DCDC1: variants seen among roughly 807,000 people sequenced by gnomAD.
DCDC1 encodes the protein doublecortin domain containing 1, also known as doublecortin domain-containing protein 1.
In DCDC1, 200 loss-of-function variants were observed where a neutral mutation model predicts 178.3. That is an observed-to-expected ratio of 1.12 (90% CI 1.00 to 1.26). DCDC1 has a LOEUF of 1.26. Among genes scored for constraint, DCDC1 ranks in the 50% most tolerant of loss-of-function variants. DCDC1 has a pLI of 0.00. For synonymous variants in DCDC1, 690 were observed against 604.8 expected (o/e 1.14, Z -2.07); for missense variants, 1,983 against 1,749.2 (o/e 1.13, Z -2.38).
rs566354427 is a variant in DCDC1, at chr11:31,176,040, A to G, written c.1222-38256T>C. 5.6e-4 allele frequency among the ~76,000 whole-genome samples: 86 copies of G among 152,362 alleles called. 1 individual carries two copies. Among genetic ancestry groups the G allele is most frequent in the African/African-American group, 2.0e-3 (83 of 41,586 alleles). On this transcript the variant is annotated intron_variant, in intron 9 of 38. Coordinates refer to ENST00000684477, the MANE Select transcript of DCDC1 (RefSeq NM_001387274.1). Reference sequence around the variant, plus strand: ...CCCAAAAGAATGTAATCAGTCTTCAATGACAGATCACAAAGAAAACGACTT... The same window carrying G: ...CCCAAAAGAATGTAATCAGTCTTCAGTGACAGATCACAAAGAAAACGACTT...
At chr11:31,078,039 T>C in intron 17 of DCDC1, 114 bp from the exon 18 acceptor site, 1 of 659,610 alleles carries the variant, frequency 1.5e-6, no homozygotes, top group Non-Finnish European at 2.7e-6. Flanking sequence ...GCCCACACTC[T>C]ACCAAAGATT....
Position 31,192,425 on chromosome 11 carries a change from C to T in DCDC1, c.1221+49025G>A, listed in dbSNP as rs575097755. ...ATTGAACTGTATGATTCAACTATGT[C>T]AAGTCAGTATTTAGAAGTCCCCATA... On this transcript the variant is annotated intron_variant, in intron 9 of 38. Coordinates refer to ENST00000684477, the MANE Select transcript of DCDC1 (RefSeq NM_001387274.1). Among the ~76,000 whole-genome samples, 9 of 152,168 alleles carry T rather than the reference C, an allele frequency of 5.9e-5. No homozygotes were observed. The East Asian group carries it at 9.7e-4, about 16-fold the overall frequency.
At chr11:31,183,276 C>T (rs182089445) in intron 9 of DCDC1, among the ~76,000 whole-genome samples, 38 of 152,314 alleles carry the variant, frequency 2.5e-4, no homozygotes, top group African/African-American at 8.9e-4. Flanking sequence ...CTCTCCACCC[C>T]AAATCAACAG....
Position 30,925,225 on chromosome 11 carries a change from T to C in DCDC1, c.2997+84A>G, listed in dbSNP as rs1176508026. 6 of 1,188,980 alleles carry C rather than the reference T, an allele frequency of 5.0e-6. No individual in the cohort carries two copies. The African/African-American group carries it at 9.2e-5, about 18-fold the overall frequency. 73.7% of individuals were successfully genotyped at this position (1,188,980 alleles called of 1,614,324 possible). On this transcript the variant is annotated intron_variant, in intron 23 of 38. Coordinates refer to ENST00000684477, the MANE Select transcript of DCDC1 (RefSeq NM_001387274.1). ...AAAATAAGAATTAAAATGGTAAGCA[T>C]TTGAAGACTTATATTTAAGGGGATT...
intron 9 of DCDC1, among the ~76,000 whole-genome samples, chr11:31,150,412 C>A (rs1965035548): frequency 6.6e-6 from 1 of 151,962 alleles, no homozygotes; most frequent in Non-Finnish European, 1.5e-5. Context: ...AAAATCAAGT[C>A]TCAAAAAGTA....
chr11:30,865,789 A>G (rs609966), intron 38 of DCDC1, among the ~76,000 whole-genome samples: 2,473 of 152,192 alleles, frequency 0.016, 67 homozygotes, highest in African/African-American at 0.056. Flanking sequence ...AATATCAGAC[A>G]TCAGTGTTAG....
chr11:31,012,325 CA>C (rs1952222821), intron 20 of DCDC1, among the ~76,000 whole-genome samples: 1 of 152,126 alleles, frequency 6.6e-6, no homozygotes, highest in Non-Finnish European at 1.5e-5. Flanking sequence ...AGGCTGGGTG[CA>C]GTGGCTTGCA....
At chr11:30,979,778 T>C (rs1950292800) in intron 20 of DCDC1, among the ~76,000 whole-genome samples, 1 of 152,202 alleles carries the variant, frequency 6.6e-6, no homozygotes, top group African/African-American at 2.4e-5. Context: ...GTAATTTTAA[T>C]AGTTCAGTTC....
chr11:30,904,496 C>T, intron 31 of DCDC1: 1 of 170,402 alleles, frequency 5.9e-6, no homozygotes, highest in South Asian at 1.4e-4. Context: ...CCAGGTAGTT[C>T]CTCCTAACAC....
chr11:31,310,347 AT>A (rs1423658061), intron 3 of DCDC1, among the ~76,000 whole-genome samples: 1 of 89,942 alleles, frequency 1.1e-5, no homozygotes, highest in African/African-American at 4.5e-5. Context: ...GAGATGGAGT[AT>A]TGCTCTGTTG....
At chr11:31,102,496 T>C (rs1958575836) in intron 14 of DCDC1, among the ~76,000 whole-genome samples, 1 of 152,186 alleles carries the variant, frequency 6.6e-6, no homozygotes, top group South Asian at 2.1e-4. Flanking sequence ...TCTAGACATA[T>C]TTAGCAATAG....
intron 35 of DCDC1, among the ~76,000 whole-genome samples, chr11:30,893,281 G>A (rs1427377797): frequency 6.6e-6 from 1 of 152,188 alleles, no homozygotes; most frequent in Non-Finnish European, 1.5e-5. Flanking sequence ...AAGAAATGCA[G>A]AGAGAAGTAT....
At chr11:30,924,056 C>G (rs370121915) in intron 23 of DCDC1, among the ~76,000 whole-genome samples, 1 of 152,200 alleles carries the variant, frequency 6.6e-6, no homozygotes, top group African/African-American at 2.4e-5. Flanking sequence ...TACAATCACT[C>G]CTGGCTCCAT....
chr11:31,001,288 G>A (rs1167711503), intron 20 of DCDC1, among the ~76,000 whole-genome samples: 1 of 151,966 alleles, frequency 6.6e-6, no homozygotes, highest in African/African-American at 2.4e-5. Flanking sequence ...ACCATATTAA[G>A]TGGATTTTCC....
intron 15 of DCDC1, among the ~76,000 whole-genome samples, chr11:31,100,407 C>T (rs1464366229): frequency 6.6e-6 from 1 of 152,142 alleles, no homozygotes; most frequent in African/African-American, 2.4e-5. Flanking sequence ...GAAGGAAAAA[C>T]ACAAAAGCAA....
intron 3 of DCDC1, among the ~76,000 whole-genome samples, chr11:31,310,639 T>A (rs886718732): frequency 1.3e-5 from 2 of 152,122 alleles, no homozygotes; most frequent in African/African-American, 4.8e-5. Context: ...CAAACTCATC[T>A]TTCTTATAAC....
At position 30,898,442 on chromosome 11, in the gene DCDC1, G is replaced by T. The variant is rs658668; in HGVS notation, c.4765+1099C>A. Among the ~76,000 whole-genome samples the T allele has an allele frequency of 2.8e-3, 428 of 152,236 alleles. 1 individual carries two copies. Among genetic ancestry groups the T allele is most frequent in the African/African-American group, 0.01 (420 of 41,552 alleles). On this transcript the variant is annotated intron_variant, in intron 34 of 38. Coordinates refer to ENST00000684477, the MANE Select transcript of DCDC1 (RefSeq NM_001387274.1). ...AGAATCATTTGAGATCAACTTAACA[G>T]ATTCAAAGTGACAAGGCTTACTGAA...
chr11:30,921,837 G>T (rs972269166), intron 24 of DCDC1, among the ~76,000 whole-genome samples: 3 of 152,144 alleles, frequency 2.0e-5, no homozygotes, highest in African/African-American at 7.2e-5. Flanking sequence ...TTTCTGGGAG[G>T]TGCAGCTAAG....
At chr11:31,289,791 A>C (rs1396256401) in intron 7 of DCDC1, among the ~76,000 whole-genome samples, 2 of 151,948 alleles carry the variant, frequency 1.3e-5, no homozygotes, top group African/African-American at 4.8e-5. Flanking sequence ...CACTACTGTT[A>C]TCTCTGTTTT....
Sources: gnomAD v4.1 joint callset for allele counts (sites outside exome capture counted in the v4.1 genomes callset) on GRCh38, gnomAD v4.1.1 for gene constraint, MANE v1.5 for transcripts, NCBI Gene and HGNC (gene_info 2026-07-23, HGNC 2026-07-21) for gene names.